The following EPHA4 variants were observed in gnomAD, a reference collection of about 807,000 sequenced individuals.
EPHA4 encodes the protein EPH receptor A4.
In EPHA4, 19 loss-of-function variants were observed where a neutral mutation model predicts 108.3. That is an observed-to-expected ratio of 0.18 (90% CI 0.12 to 0.26). The LOEUF is 0.26. Ranked by LOEUF, EPHA4 falls within the 10% of genes least tolerant of loss-of-function variation. The probability of loss-of-function intolerance (pLI) is 1.00; values close to 1 mark genes in which losing one functional copy is unlikely to be tolerated. For synonymous variants in EPHA4, 449 were observed against 455.5 expected (o/e 0.99, Z 0.18); for missense variants, 917 against 1,254.0 (o/e 0.73, Z 4.06).
rs201666203 is a variant in EPHA4, at chr2:221,563,966, T to C, written c.588A>G (p.Ser196=). ...QDVGACIALV[S]VRVFYKKCPL... ...GACACTTTTTATAGAACACACGGAC[T>C]GATACCAGGGCGATGCAGGCCCCCA... Residue 196 remains serine (S), a synonymous_variant, in exon 3 of 18, where the codon TCA becomes TCG. Transcript: ENST00000281821. The C allele has an allele frequency of 1.1e-3, 1,744 of 1,614,096 alleles. 31 individuals are homozygous for C. The South Asian group carries it at 0.018, about 17-fold the overall frequency.
In EPHA4 at chr2:221,482,587, G is replaced by A. The variant is rs745759587; in HGVS notation, c.1083C>T (p.Ser361=). The A allele has an allele frequency of 1.2e-6, 2 of 1,614,062 alleles. No individual in the cohort carries two copies. Among genetic ancestry groups the A allele is most frequent in the Non-Finnish European group, 1.7e-6 (2 of 1,179,992 alleles). Residue 361 remains serine, a synonymous_variant, in exon 5 of 18, where the codon TCC becomes TCT. Coordinates refer to ENST00000281821, the MANE Select transcript of EPHA4 (RefSeq NM_004438.5). ...PQNTGGRQDI[S]YNVVCKKCGA... ...CACATTTCTTGCATACCACATTATA[G>A]GAAATGTCCTGGCGGCCACCTGTAT... is the stretch of plus-strand genomic sequence containing the variant.
intron 11 of EPHA4, among the ~76,000 whole-genome samples, chr2:221,438,961 C>A (rs55862744): frequency 6.6e-6 from 1 of 151,884 alleles, no homozygotes; most frequent in South Asian, 2.1e-4. Flanking sequence ...GCATATAGGG[C>A]ATGGGGAAAT....
At chr2:221,490,684 C>T (rs1436589618) in intron 4 of EPHA4, among the ~76,000 whole-genome samples, 1 of 152,200 alleles carries the variant, frequency 6.6e-6, no homozygotes, top group Non-Finnish European at 1.5e-5. Context: ...CCCTTCAACC[C>T]TTCAGATAAG....
chr2:221,504,734 T>A (rs1316930781), intron 3 of EPHA4, among the ~76,000 whole-genome samples: 1 of 152,160 alleles, frequency 6.6e-6, no homozygotes, highest in East Asian at 1.9e-4. Context: ...TGCTCATTGA[T>A]CATTTAATTG....
rs866285131 is a variant in EPHA4, at chr2:221,568,729, G to A, written c.148C>T (p.Leu50=). 1 of 1,613,604 alleles carries A rather than the reference G, an allele frequency of 6.2e-7. No homozygotes were observed. Among genetic ancestry groups the A allele is most frequent in the Non-Finnish European group, 8.5e-7 (1 of 1,179,786 alleles). ...QGELGWIASP[L]EGGWEEVSIM... is the part of the protein sequence containing the mutation. ...AACTCAGGACTTACCCCTCCTTCCA[G>A]AGGGCTTGCTATCCACCCAAGTTCT... Residue 50 remains leucine, a synonymous_variant, in exon 2 of 18, where the codon CTG becomes TTG. Coordinates refer to ENST00000281821, the MANE Select transcript of EPHA4 (RefSeq NM_004438.5).
chr2:221,452,396 GA>G (rs756970906), intron 8 of EPHA4, among the ~76,000 whole-genome samples: 1 of 152,152 alleles, frequency 6.6e-6, no homozygotes, highest in East Asian at 1.9e-4. Flanking sequence ...GTCCTCTCAC[GA>G]AAAGCCTGGG....
At position 221,508,802 on chromosome 2, in the gene EPHA4, A is replaced by G. The variant is rs190003026; in HGVS notation, c.824-7630T>C. On this transcript the variant is annotated intron_variant, in intron 3 of 17. Coordinates refer to ENST00000281821, the MANE Select transcript of EPHA4 (RefSeq NM_004438.5). ...ACAGAACTCTGTTATGCTAAAAATT[A>G]CACCATGAAATTCAAAGGAAACTTA... is the stretch of plus-strand genomic sequence containing the variant. 3.9e-3 allele frequency among the ~76,000 whole-genome samples: 588 copies of G among 152,300 alleles called. 1 individual carries two copies. Among genetic ancestry groups the G allele is most frequent in the Non-Finnish European group, 3.2e-3 (220 of 68,034 alleles).
chr2:221,476,612 A>G (rs1480402680), intron 5 of EPHA4, among the ~76,000 whole-genome samples: 1 of 152,244 alleles, frequency 6.6e-6, no homozygotes, highest in Non-Finnish European at 1.5e-5. Context: ...AACTCCACAA[A>G]GTCTGGCTCT....
chr2:221,438,659 C>T (rs963165378), intron 11 of EPHA4, among the ~76,000 whole-genome samples: 3 of 151,982 alleles, frequency 2.0e-5, no homozygotes, highest in Non-Finnish European at 2.9e-5. Flanking sequence ...GCAGTACGCA[C>T]TTGCAGTCCC....
intron 5 of EPHA4, among the ~76,000 whole-genome samples, chr2:221,477,443 G>A (rs1691691342): frequency 6.6e-6 from 1 of 152,180 alleles, no homozygotes; most frequent in Non-Finnish European, 1.5e-5. Flanking sequence ...CTTCATTGCG[G>A]AGGATTGGGG....
At chr2:221,479,633 G>C (rs1691759598) in intron 5 of EPHA4, among the ~76,000 whole-genome samples, 1 of 152,186 alleles carries the variant, frequency 6.6e-6, no homozygotes, top group Non-Finnish European at 1.5e-5. Context: ...GTTTACGGTT[G>C]CTACATTCAC....
intron 3 of EPHA4, among the ~76,000 whole-genome samples, chr2:221,556,107 C>T (rs994485892): frequency 3.3e-5 from 5 of 152,160 alleles, no homozygotes; most frequent in East Asian, 1.9e-4. Context: ...AGAATGTTTT[C>T]GTGTGTGTGA....
At chr2:221,515,122 T>TTTTGC (rs1172666545) in intron 3 of EPHA4, among the ~76,000 whole-genome samples, 1 of 152,158 alleles carries the variant, frequency 6.6e-6, no homozygotes, top group Non-Finnish European at 1.5e-5. Flanking sequence ...TGAGACGAAG[T>TTTTGC]TTTGCTCTTG....
chr2:221,456,474 A>T (rs1163652780), intron 7 of EPHA4, 139 bp downstream of exon 7: 4 of 756,434 alleles, frequency 5.3e-6, no homozygotes, highest in Non-Finnish European at 4.1e-6. Context: ...TGGCTAACTT[A>T]TTTCAAGACA....
chr2:221,517,325 G>A (rs1291726725), intron 3 of EPHA4, among the ~76,000 whole-genome samples: 2 of 152,212 alleles, frequency 1.3e-5, no homozygotes, highest in African/African-American at 4.8e-5. Flanking sequence ...AATGTTGCAA[G>A]AGGCATGCCA....
In EPHA4 at chr2:221,493,949, G is replaced by A. The variant is rs79550961; in HGVS notation, c.979+7068C>T. 7.6e-4 allele frequency among the ~76,000 whole-genome samples: 116 copies of A among 152,306 alleles called. 2 individuals carry two copies. The East Asian group carries it at 0.019, about 24-fold the overall frequency. ...GCAATTTTGGAATATTTTCGGCCAC[G>A]TCTAAGTATCAATCAATCACTCTTT... is the stretch of plus-strand genomic sequence containing the variant. On this transcript the variant is annotated intron_variant, in intron 4 of 17. Transcript: ENST00000281821.
intron 3 of EPHA4, among the ~76,000 whole-genome samples, chr2:221,521,852 C>G (rs746358626): frequency 6.6e-6 from 1 of 152,164 alleles, no homozygotes; most frequent in Non-Finnish European, 1.5e-5. Context: ...TGGCACACGC[C>G]TGTAGTCCCA....
intron 12 of EPHA4, 95 bp downstream of exon 12, chr2:221,436,966 T>G: frequency 1.1e-6 from 1 of 902,248 alleles, no homozygotes; most frequent in Non-Finnish European, 1.8e-6. Context: ...TTAAAAGAAA[T>G]CCACGAATAC....
intron 17 of EPHA4, among the ~76,000 whole-genome samples, chr2:221,424,600 T>C (rs1405312269): frequency 6.6e-6 from 1 of 152,196 alleles, no homozygotes; most frequent in Non-Finnish European, 1.5e-5. Flanking sequence ...AATAGGTTTA[T>C]GGATGAGCAG....
Sources: allele counts gnomAD v4.1 joint callset (sites outside exome capture counted in the v4.1 genomes callset), GRCh38; gene constraint gnomAD v4.1.1; transcripts MANE v1.5; gene names NCBI Gene and HGNC (gene_info 2026-07-23, HGNC 2026-07-21).